TSTD2: variants seen among roughly 807,000 people sequenced by gnomAD.
TSTD2 encodes thiosulfate sulfurtransferase/rhodanese-like domain-containing protein 2.
A neutral mutation model predicts 47.9 loss-of-function variants in TSTD2; 37 were observed. The observed-to-expected ratio is 0.77, with a 90% CI of 0.59 to 1.02. TSTD2 has a LOEUF of 1.02. Ranked by LOEUF, TSTD2 falls within the 50% of genes least tolerant of loss-of-function variation. The pLI, the probability that TSTD2 is intolerant of heterozygous loss-of-function variation, is 0.00. For missense variants in TSTD2, 586 were observed against 616.0 expected, an observed-to-expected ratio of 0.95 and a Z score of 0.52; for synonymous variants, 201 against 215.9, an observed-to-expected ratio of 0.93 and a Z score of 0.61.
chr9:97,615,027 T>G (rs1223787768), intron 4 of TSTD2, among the ~76,000 whole-genome samples: 1 of 152,174 alleles, frequency 6.6e-6, no homozygotes, highest in Non-Finnish European at 1.5e-5. Context: ...GCAGGTAGGA[T>G]GAAGTATGTA....
At chr9:97,621,826 G>T (rs1241121171) in intron 3 of TSTD2, among the ~76,000 whole-genome samples, 2 of 152,134 alleles carry the variant, frequency 1.3e-5, no homozygotes, top group African/African-American at 2.4e-5. Context: ...CTGGCCTTGT[G>T]ACCTTGCTCT....
At chr9:97,608,490 C>A (rs1455411262) in intron 6 of TSTD2, among the ~76,000 whole-genome samples, 1 of 151,462 alleles carries the variant, frequency 6.6e-6, no homozygotes, top group Non-Finnish European at 1.5e-5. Context: ...ACAAAAATTA[C>A]CCGGGTGTGG....
At position 97,605,530 on chromosome 9, in the gene TSTD2, T is replaced by A; in HGVS notation, c.1066A>T (p.Thr356Ser). Residue 356 changes from threonine (T) to serine (S), a missense_variant, in exon 8 of 10, where the codon ACC (threonine) becomes TCC (serine). Physicochemically the swap from Thr to Ser is moderately conservative, Grantham distance 58 (BLOSUM62 1). Transcript: ENST00000341170. ...CCCCGCTCACAGCGGATGCCCCCGG[T>A]ACAGTACATCAGCACTCTCTTCTCT... ...FREKRVLMYC[T>S]GGIRCERGSA... 1 of 1,614,134 alleles carries A rather than the reference T, an allele frequency of 6.2e-7. No homozygotes were observed. The highest frequency in any genetic ancestry group is 8.5e-7 in the Non-Finnish European group (1 of 1,180,012).
At chr9:97,606,438 T>G (rs966371338) in intron 6 of TSTD2, among the ~76,000 whole-genome samples, 177 bp from the exon 7 acceptor site, 1 of 152,198 alleles carries the variant, frequency 6.6e-6, no homozygotes, top group African/African-American at 2.4e-5. Flanking sequence ...AATAACTTAG[T>G]AATTCCAGTA....
At chr9:97,629,435 G>T (rs968773526) in intron 1 of TSTD2, among the ~76,000 whole-genome samples, 1 of 152,182 alleles carries the variant, frequency 6.6e-6, no homozygotes, top group Non-Finnish European at 1.5e-5. Flanking sequence ...GCTAAGTGGT[G>T]CTTTCATGGG....
intron 4 of TSTD2, 143 bp downstream of exon 4, chr9:97,617,614 T>G (rs968145134): frequency 1.8e-6 from 2 of 1,089,040 alleles, no homozygotes; most frequent in Non-Finnish European, 2.5e-6. Flanking sequence ...CTGCCTAATA[T>G]TCTACTTAAA....
At chr9:97,623,255 C>T (rs1479854249) in intron 3 of TSTD2, among the ~76,000 whole-genome samples, 1 of 152,228 alleles carries the variant, frequency 6.6e-6, no homozygotes, top group East Asian at 1.9e-4. Flanking sequence ...CAAGCTCTCT[C>T]TCTTTGCCTG....
At chr9:97,618,987 T>C (rs117702004) in intron 3 of TSTD2, among the ~76,000 whole-genome samples, 2,132 of 152,382 alleles carry the variant, frequency 0.014, 102 homozygotes, top group East Asian at 0.13. Flanking sequence ...TGTGTCTTTT[T>C]CGTTGTTTTT....
Position 97,600,789 on chromosome 9 carries a change from A to G in TSTD2, c.*1680T>C. On this transcript the variant is annotated 3_prime_UTR_variant, in exon 10 of 10. Coordinates refer to ENST00000341170, the MANE Select transcript of TSTD2 (RefSeq NM_139246.5). The stretch of plus-strand genomic sequence containing the variant: ...CCCCAAGATGATTACACTGAAATGT[A>G]GTATTAGTACTGCTGCCAGATCTCT... The G allele has an allele frequency of 2.0e-6, 2 of 1,022,780 alleles. No homozygotes were observed. Among genetic ancestry groups the G allele is most frequent in the Non-Finnish European group, 2.3e-6 (2 of 851,836 alleles). 63.4% of individuals were successfully genotyped at this position (1,022,780 alleles called of 1,614,324 possible). A position where few individuals can be genotyped will look rare whatever the true frequency, so the allele number is the denominator to read the frequency against.
At chr9:97,630,870 T>C (rs768854522) in intron 1 of TSTD2, among the ~76,000 whole-genome samples, 2 of 152,242 alleles carry the variant, frequency 1.3e-5, no homozygotes, top group East Asian at 3.8e-4. Context: ...AATGACTCCA[T>C]ATTTATATCT....
At chr9:97,626,095 G>T in intron 2 of TSTD2, 98 bp from the exon 3 acceptor site, 1 of 1,202,488 alleles carries the variant, frequency 8.3e-7, no homozygotes. Flanking sequence ...TTCCACAGGG[G>T]CTTCTAGTTT....
At chr9:97,621,036 T>C (rs1220487869) in intron 3 of TSTD2, among the ~76,000 whole-genome samples, 2 of 152,194 alleles carry the variant, frequency 1.3e-5, no homozygotes, top group East Asian at 1.9e-4. Context: ...CAGCCCCTCC[T>C]ATCACATGCC....
rs771342983 is a variant in TSTD2, at chr9:97,602,655, A to G, written c.1365T>C (p.Cys455=). The part of the protein sequence containing the change: ...PACQGQGFTA[C]CVTCQDKGSR... ...TCCCCTTGTCTTGACATGTGACACA[A>G]CAGGCTGTGAATCCTTGTCCTTGAC... Residue 455 remains cysteine (C), a synonymous_variant, in exon 10 of 10, where the codon TGT becomes TGC. Coordinates refer to ENST00000341170, the MANE Select transcript of TSTD2 (RefSeq NM_139246.5). The G allele has an allele frequency of 1.4e-5, 23 of 1,614,076 alleles. No homozygotes were observed. Among genetic ancestry groups the G allele is most frequent in the Non-Finnish European group, 1.9e-5 (22 of 1,180,036 alleles).
At chr9:97,617,736 G>T in intron 4 of TSTD2, 21 bp downstream of exon 4, 9 of 1,607,072 alleles carry the variant, frequency 5.6e-6, no homozygotes, top group Non-Finnish European at 7.6e-6. Context: ...GTGAAGGAAG[G>T]AATATAGGAG....
At chr9:97,624,994 C>G (rs1826697040) in intron 3 of TSTD2, among the ~76,000 whole-genome samples, 1 of 152,090 alleles carries the variant, frequency 6.6e-6, no homozygotes, top group Non-Finnish European at 1.5e-5. Flanking sequence ...GCACAGTTTA[C>G]AAGTGAAATA....
intron 9 of TSTD2, 82 bp downstream of exon 9, chr9:97,604,645 T>C (rs1826333306): frequency 6.3e-7 from 1 of 1,588,266 alleles, no homozygotes; most frequent in Admixed American, 1.7e-5. Flanking sequence ...CACTGGCCTG[T>C]CTTCCCTGTG....
At chr9:97,622,218 C>T (rs542451614) in intron 3 of TSTD2, among the ~76,000 whole-genome samples, 1 of 152,332 alleles carries the variant, frequency 6.6e-6, no homozygotes, top group South Asian at 2.1e-4. Flanking sequence ...CCCTGCATCC[C>T]AGCCACTCTA....
intron 9 of TSTD2, 44 bp downstream of exon 9, chr9:97,604,683 A>T: frequency 6.2e-7 from 1 of 1,611,870 alleles, no homozygotes; most frequent in Non-Finnish European, 8.5e-7. Context: ...TGAACTGACA[A>T]TGTGCTTCAT....
rs1226928532 is a variant in TSTD2 at position 97,600,400 on chromosome 9, T to C, written c.*2069A>G. ...CCCAGGCAACAAACATGTCCCTGAGTGTTCTTTAAGAACATTTGGGATTTA... is the reference window on the plus strand; with the variant it reads ...CCCAGGCAACAAACATGTCCCTGAGCGTTCTTTAAGAACATTTGGGATTTA... On this transcript the variant is annotated 3_prime_UTR_variant, in exon 10 of 10. Transcript: ENST00000341170. 9.1e-6 allele frequency: 9 copies of C among 985,770 alleles called. No individual in the cohort carries two copies. Among genetic ancestry groups the C allele is most frequent in the Non-Finnish European group, 1.1e-5 (9 of 830,162 alleles). 61.1% of individuals were successfully genotyped at this position (985,770 alleles called of 1,614,324 possible). A position where few individuals can be genotyped will look rare whatever the true frequency, so the allele number is the denominator to read the frequency against.
Sources: allele counts gnomAD v4.1 joint callset (sites outside exome capture counted in the v4.1 genomes callset), GRCh38; gene constraint gnomAD v4.1.1; transcripts MANE v1.5; gene names NCBI Gene and HGNC (gene_info 2026-07-23, HGNC 2026-07-21).